The following PTPRG variants were observed in gnomAD, a reference collection of about 807,000 sequenced individuals.
The protein encoded by PTPRG is receptor-type tyrosine-protein phosphatase gamma.
PTPRG carries 102 observed loss-of-function variants against 165.3 expected under a neutral mutation model. The ratio of observed to expected loss-of-function variants is 0.62; its 90% CI spans 0.53 to 0.73. The LOEUF (loss-of-function observed/expected upper bound fraction) is 0.73. Ranked by LOEUF, PTPRG falls within the 30% of genes least tolerant of loss-of-function variation. The pLI is 0.00. For synonymous variants in PTPRG, 675 were observed against 669.5 expected (o/e 1.01, Z -0.13); for missense variants, 1,866 against 1,861.4 (o/e 1.00, Z -0.05).
intron 5 of PTPRG, among the ~76,000 whole-genome samples, chr3:62,113,242 T>C (rs1252641114): frequency 6.6e-6 from 1 of 152,150 alleles, no homozygotes; most frequent in Non-Finnish European, 1.5e-5. Context: ...TGTGGGAATA[T>C]GGCCTGTTCC....
intron 17 of PTPRG, among the ~76,000 whole-genome samples, chr3:62,265,896 T>TATATATACACACACAC (rs1553662684): frequency 1.7e-4 from 22 of 130,612 alleles, no homozygotes; most frequent in South Asian, 5.5e-4. Flanking sequence ...GTGCCTTATA[T>TATATATACACACACAC]ACACACACAC....
chr3:62,276,990 G>A lies in PTPRG; in HGVS notation c.3578G>A (p.Gly1193Asp). ...ATGATAGCTGAGCGTGCTCGAGTGG[G>A]TCTTGCACCATTGCCTGGAATGAAA... ...SVVPSERARV[G>D]LAPLPGMKGT... is the part of the protein sequence containing the mutation. Residue 1193 changes from glycine to aspartate, a missense_variant, in exon 25 of 30, where the codon GGT (glycine) becomes GAT (aspartate). By Grantham distance (94) the Gly-to-Asp change is moderately conservative. Coordinates refer to ENST00000474889, the MANE Select transcript of PTPRG (RefSeq NM_002841.4). The A allele has an allele frequency of 6.2e-7, 1 of 1,613,178 alleles. No homozygotes were observed. Among genetic ancestry groups the A allele is most frequent in the Non-Finnish European group, 8.5e-7 (1 of 1,179,380 alleles).
chr3:61,831,608 G>A (rs969305204), intron 2 of PTPRG, among the ~76,000 whole-genome samples: 4 of 152,010 alleles, frequency 2.6e-5, no homozygotes, highest in African/African-American at 9.7e-5. Context: ...TTCTTACTTT[G>A]TTAATTCAGT....
At chr3:62,279,943 A>G (rs1702369895) in intron 26 of PTPRG, among the ~76,000 whole-genome samples, 1 of 152,034 alleles carries the variant, frequency 6.6e-6, no homozygotes, top group South Asian at 2.1e-4. Flanking sequence ...GAGCTGATTG[A>G]TTAGGATACG....
At chr3:61,733,134 G>A (rs1374508679) in intron 1 of PTPRG, among the ~76,000 whole-genome samples, 2 of 152,214 alleles carry the variant, frequency 1.3e-5, no homozygotes, top group Non-Finnish European at 2.9e-5. Context: ...TCTTGAGACA[G>A]ATTCTATGAA....
chr3:62,051,470 G>A lies in PTPRG; in HGVS notation c.520-26693G>A, dbSNP rs75853114. On this transcript the variant is annotated intron_variant, in intron 4 of 29. Transcript: ENST00000474889. ...GTAAATGTCTTTATAAAAGCCATTT[G>A]CAGCTTATTTCTATCGTAGTTGGAG... Among the ~76,000 whole-genome samples, 1,204 of 152,198 alleles carry A rather than the reference G, an allele frequency of 7.9e-3. 19 individuals carry two copies. The highest frequency in any genetic ancestry group is 0.028 in the African/African-American group (1,163 of 41,524).
At chr3:62,239,614 C>T (rs1201811362) in intron 14 of PTPRG, among the ~76,000 whole-genome samples, 1 of 152,082 alleles carries the variant, frequency 6.6e-6, no homozygotes, top group Non-Finnish European at 1.5e-5. Flanking sequence ...CCCACCTCGG[C>T]CTCCCAAAGT....
At chr3:61,590,926 A>G (rs1575522807) in intron 1 of PTPRG, among the ~76,000 whole-genome samples, 2 of 152,312 alleles carry the variant, frequency 1.3e-5, no homozygotes, top group South Asian at 2.1e-4. Context: ...CCTGGCCAAC[A>G]TGATGAAATA....
At chr3:61,994,027 A>G (rs897225602) in intron 3 of PTPRG, among the ~76,000 whole-genome samples, 2 of 152,216 alleles carry the variant, frequency 1.3e-5, no homozygotes, top group Non-Finnish European at 2.9e-5. Flanking sequence ...AGTTGTCTAA[A>G]ATATCTTCAC....
rs71100977 is a variant in PTPRG at position 61,772,058 on chromosome 3, TAAAAAAAAA to T, written c.190+23093_190+23101del. ...CTGGGTGACAGAGTAAGACTCTGTCTAAAAAAAAAAAAAAAAAAAAAAAAAGAATGAATG... is the reference window on the plus strand; with the variant it reads ...CTGGGTGACAGAGTAAGACTCTGTCTAAAAAAAAAAAAAAAAGAATGAATG... On this transcript the variant is annotated intron_variant, in intron 2 of 29. Coordinates refer to ENST00000474889, the MANE Select transcript of PTPRG (RefSeq NM_002841.4). Among the ~76,000 whole-genome samples, 8 of 64,782 alleles carry T rather than the reference TAAAAAAAAA, an allele frequency of 1.2e-4. 1 individual carries two copies. The highest frequency in any genetic ancestry group is 5.2e-4 in the East Asian group (1 of 1,930). The allele number at this position is 64,782 out of a possible 152,430, so 42.5% of individuals were successfully genotyped here.
At position 62,294,767 on chromosome 3, in the gene PTPRG, C is replaced by T. The variant is rs1486798431; in HGVS notation, c.*1460C>T. 6.6e-6 allele frequency: 1 copy of T among 152,118 alleles called. No individual in the cohort carries two copies. The highest frequency in any genetic ancestry group is 1.5e-5 in the Non-Finnish European group (1 of 68,006). 9.4% of individuals were successfully genotyped at this position (152,118 alleles called of 1,614,324 possible). A position where few individuals can be genotyped will look rare whatever the true frequency, so the allele number is the denominator to read the frequency against. The stretch of plus-strand genomic sequence containing the variant: ...GCTTCTGTCAAAAGTGAAATCATCA[C>T]CAGAACTGGGCCTGTTAGGAAGAAT... On this transcript the variant is annotated 3_prime_UTR_variant, in exon 30 of 30. Coordinates refer to ENST00000474889, the MANE Select transcript of PTPRG (RefSeq NM_002841.4).
chr3:62,230,493 C>T (rs1199895524), intron 13 of PTPRG, among the ~76,000 whole-genome samples: 4 of 152,162 alleles, frequency 2.6e-5, no homozygotes, highest in African/African-American at 9.7e-5. Flanking sequence ...TATAGCCCAG[C>T]TGGTTTGGGA....
intron 15 of PTPRG, among the ~76,000 whole-genome samples, chr3:62,246,288 G>C (rs903468137): frequency 1.3e-5 from 2 of 152,166 alleles, no homozygotes; most frequent in Non-Finnish European, 2.9e-5. Context: ...GTGAAATGAC[G>C]AGTGAGGCTC....
intron 1 of PTPRG, among the ~76,000 whole-genome samples, chr3:61,562,792 C>G (rs918896981): frequency 2.6e-5 from 4 of 152,294 alleles, no homozygotes; most frequent in Admixed American, 2.0e-4. Flanking sequence ...CCCCCTCGCT[C>G]TGGCGGGTAT....
At chr3:61,937,645 T>C (rs1184847447) in intron 2 of PTPRG, among the ~76,000 whole-genome samples, 9 of 152,222 alleles carry the variant, frequency 5.9e-5, no homozygotes, top group Non-Finnish European at 2.9e-5. Flanking sequence ...GCCTGGAAAC[T>C]TGGAAACATT....
chr3:61,774,022 G>T (rs111648308), intron 2 of PTPRG, among the ~76,000 whole-genome samples: 21,467 of 152,058 alleles, frequency 0.14, 1,951 homozygotes, highest in East Asian at 0.46. Context: ...TGATCCAACC[G>T]CCTCAGCCTC....
At chr3:62,047,121 T>C (rs1410032344) in intron 4 of PTPRG, among the ~76,000 whole-genome samples, 1 of 152,208 alleles carries the variant, frequency 6.6e-6, no homozygotes, top group African/African-American at 2.4e-5. Flanking sequence ...ATAGTCTTTC[T>C]GGTTAAAACA....
chr3:61,859,619 T>G (rs2037204989), intron 2 of PTPRG, among the ~76,000 whole-genome samples: 1 of 151,844 alleles, frequency 6.6e-6, no homozygotes, highest in Non-Finnish European at 1.5e-5. Context: ...TAGTTTTTTT[T>G]TTTTTGGTCA....
intron 1 of PTPRG, among the ~76,000 whole-genome samples, chr3:61,748,591 T>TTGG (rs1349772756): frequency 6.6e-6 from 1 of 152,194 alleles, no homozygotes; most frequent in Admixed American, 6.5e-5. Flanking sequence ...TTTGTACTGC[T>TTGG]TGGTGGTGTT....
Sources: allele counts gnomAD v4.1 joint callset (sites outside exome capture counted in the v4.1 genomes callset), GRCh38; gene constraint gnomAD v4.1.1; transcripts MANE v1.5; gene names NCBI Gene and HGNC (gene_info 2026-07-23, HGNC 2026-07-21).